DPH6: variants seen among roughly 807,000 people sequenced by gnomAD.
DPH6 encodes the protein diphthamine biosynthesis 6.
Under a neutral mutation model 38.2 loss-of-function variants are expected in DPH6, and 33 were observed. That is an observed-to-expected ratio of 0.86 (90% CI 0.65 to 1.15). DPH6 has a LOEUF of 1.15. Among genes scored for constraint, DPH6 ranks in the 50% most tolerant of loss-of-function variants. The pLI is 0.00. For missense variants in DPH6, 325 were observed against 320.0 expected, an observed-to-expected ratio of 1.02 and a Z score of -0.12; for synonymous variants, 108 against 103.0, an observed-to-expected ratio of 1.05 and a Z score of -0.30.
At chr15:35,338,500 T>C (rs1595486844) in intron 3 of DPH6, among the ~76,000 whole-genome samples, 1 of 152,128 alleles carries the variant, frequency 6.6e-6, no homozygotes, top group African/African-American at 2.4e-5. Flanking sequence ...TCACACCAGT[T>C]AGAATGGCAA....
chr15:35,419,504 C>T (rs2053478292), intron 5 of DPH6, among the ~76,000 whole-genome samples: 1 of 151,964 alleles, frequency 6.6e-6, no homozygotes, highest in Non-Finnish European at 1.5e-5. Flanking sequence ...TATAGAGAGG[C>T]AGAATGGATG....
At chr15:35,198,103 A>G in the DPH6 span, among the ~76,000 whole-genome samples, 12 of 152,158 alleles carry the variant, frequency 7.9e-5, no homozygotes, top group South Asian at 4.1e-4. Context: ...ACAAACATTT[A>G]GTGAGTATGC....
intron 3 of DPH6, among the ~76,000 whole-genome samples, chr15:35,356,292 C>T (rs144700176): frequency 1.3e-5 from 2 of 152,196 alleles, no homozygotes; most frequent in Non-Finnish European, 2.9e-5. Context: ...TCGTCAAAGT[C>T]ATTCTCTGTC....
chr15:35,169,532 A>T, the DPH6 span: 4 of 152,060 alleles, frequency 2.6e-5, no homozygotes, highest in African/African-American at 9.7e-5. Context: ...CCACTTCTCT[A>T]TTTTTCATAC....
At chr15:35,419,999 G>A (rs933222922) in intron 5 of DPH6, among the ~76,000 whole-genome samples, 1 of 152,134 alleles carries the variant, frequency 6.6e-6, no homozygotes, top group Non-Finnish European at 1.5e-5. Context: ...CTTCTCAAGT[G>A]CACATGAAAC....
intron 3 of DPH6, among the ~76,000 whole-genome samples, chr15:35,268,014 C>T (rs1482618152): frequency 6.6e-6 from 1 of 151,830 alleles, no homozygotes; most frequent in African/African-American, 2.4e-5. Context: ...ACTAAAAATA[C>T]AAAATATTAG....
At chr15:35,161,389 C>T in the DPH6 span, among the ~76,000 whole-genome samples, 2 of 151,586 alleles carry the variant, frequency 1.3e-5, no homozygotes, top group Non-Finnish European at 1.5e-5. Flanking sequence ...ACCTCAAACT[C>T]TCCCTGAGCT....
At chr15:35,433,858 T>G (rs995611888) in intron 5 of DPH6, among the ~76,000 whole-genome samples, 12 of 152,182 alleles carry the variant, frequency 7.9e-5, no homozygotes, top group African/African-American at 2.9e-4. Context: ...CAGGCTACAA[T>G]GATGTGCAGC....
intron 2 of DPH6, among the ~76,000 whole-genome samples, chr15:35,540,025 T>A (rs1378183704): frequency 6.6e-6 from 1 of 152,118 alleles, no homozygotes; most frequent in Non-Finnish European, 1.5e-5. Context: ...ATACATTCAT[T>A]TTAAAGGATA....
rs115357314 is a variant in DPH6 at position 35,449,596 on chromosome 15, G to A, written c.505+1089C>T. 3.3e-3 allele frequency among the ~76,000 whole-genome samples: 506 copies of A among 152,040 alleles called. 8 individuals carry two copies. Among genetic ancestry groups the A allele is most frequent in the African/African-American group, 0.012 (488 of 41,508 alleles). On this transcript the variant is annotated intron_variant, in intron 5 of 8. Transcript: ENST00000256538. The stretch of plus-strand genomic sequence containing the variant: ...TGAGAGACAAAGAAAAAGCAAGAGG[G>A]AATACTCTGTACAGAGTCACATAGA...
chr15:35,493,963 C>G (rs1020843204), intron 3 of DPH6, among the ~76,000 whole-genome samples: 3 of 152,076 alleles, frequency 2.0e-5, no homozygotes, highest in Non-Finnish European at 4.4e-5. Flanking sequence ...TACAATATAG[C>G]CTTCCAGAGC....
chr15:35,237,333 T>C, intron 3 of DPH6: 2 of 1,591,394 alleles, frequency 1.3e-6, no homozygotes, highest in Non-Finnish European at 1.7e-6. Flanking sequence ...GAGATGAAGA[T>C]GGGCAGACGG....
chr15:35,196,204 T>C, the DPH6 span, among the ~76,000 whole-genome samples: 1 of 152,200 alleles, frequency 6.6e-6, no homozygotes, highest in Admixed American at 6.5e-5. Context: ...GATAACATTG[T>C]GCTATGCTAA....
chr15:35,502,828 C>T (rs2054645137), intron 3 of DPH6, among the ~76,000 whole-genome samples: 1 of 150,286 alleles, frequency 6.7e-6, no homozygotes, highest in South Asian at 2.1e-4. Context: ...CTACTTAGCA[C>T]AATTATTAAT....
chr15:35,473,997 C>G (rs1247303550), intron 3 of DPH6, among the ~76,000 whole-genome samples: 18 of 150,722 alleles, frequency 1.2e-4, no homozygotes. Context: ...TAAAGTATTT[C>G]TAGAAGGATA....
At chr15:35,284,800 A>ATT (rs1214766013) in intron 3 of DPH6, among the ~76,000 whole-genome samples, 1 of 112,808 alleles carries the variant, frequency 8.9e-6, no homozygotes, top group African/African-American at 3.0e-5. Flanking sequence ...GAAGTCTCCA[A>ATT]ATTTTTTTTT....
rs141215560 is a variant in DPH6 at position 35,476,090 on chromosome 15, A to G, written c.313-21270T>C. Among the ~76,000 whole-genome samples, 14 of 151,956 alleles carry G rather than the reference A, an allele frequency of 9.2e-5. No individual in the cohort carries two copies. The East Asian group carries it at 2.7e-3, about 29-fold the overall frequency. ...TAAAAATTTTAAAAAATATATGGCC[A>G]TTTCAAATTATAAAAACCATTTGTT... On this transcript the variant is annotated intron_variant, in intron 3 of 8. Transcript: ENST00000256538.
chr15:35,464,887 G>C (rs2054109581), intron 3 of DPH6, among the ~76,000 whole-genome samples: 1 of 152,190 alleles, frequency 6.6e-6, no homozygotes, highest in Admixed American at 6.5e-5. Context: ...TTATTCATAT[G>C]CAAATTTCTA....
chr15:35,410,781 A>G, intron 6 of DPH6, 54 bp downstream of exon 6: 1 of 1,432,348 alleles, frequency 7.0e-7, no homozygotes, highest in Non-Finnish European at 9.4e-7. Flanking sequence ...TCACAGCATT[A>G]TTTTGTTTTC....
Sources: allele counts gnomAD v4.1 joint callset (sites outside exome capture counted in the v4.1 genomes callset), GRCh38; gene constraint gnomAD v4.1.1; transcripts MANE v1.5; gene names NCBI Gene and HGNC (gene_info 2026-07-23, HGNC 2026-07-21).